Variants in ANO4 observed in about 807,000 individuals in gnomAD.
The protein encoded by ANO4 is anoctamin-4.
Under a neutral mutation model 141.9 loss-of-function variants are expected in ANO4, and 69 were observed. That is an observed-to-expected ratio of 0.49 (90% confidence interval 0.40 to 0.59). The LOEUF is 0.59. Ranked by LOEUF, ANO4 falls within the 20% of genes least tolerant of loss-of-function variation. The pLI, the probability that ANO4 is intolerant of heterozygous loss-of-function variation, is 0.00. For synonymous variants in ANO4, 350 were observed against 394.3 expected (o/e 0.89, Z 1.33); for missense variants, 894 against 1,162.2 (o/e 0.77, Z 3.36).
chr12:100,801,685 G>A (rs866984651), intron 1 of ANO4, among the ~76,000 whole-genome samples: 1 of 132,416 alleles, frequency 7.6e-6, no homozygotes, highest in Admixed American at 8.6e-5. Context: ...GCTGGCTTGA[G>A]AAGGAACTTA....
chr12:100,822,673 A>C (rs913522560), intron 1 of ANO4, among the ~76,000 whole-genome samples: 1 of 152,046 alleles, frequency 6.6e-6, no homozygotes, highest in Non-Finnish European at 1.5e-5. Flanking sequence ...GAACAAAAGT[A>C]AGTCTTAAAT....
chr12:100,981,014 C>T (rs1395365654), intron 7 of ANO4, among the ~76,000 whole-genome samples: 1 of 152,102 alleles, frequency 6.6e-6, no homozygotes, highest in Non-Finnish European at 1.5e-5. Flanking sequence ...CTTCCTTCCA[C>T]CCCCCATATG....
chr12:101,094,209 A>G (rs758400817), intron 17 of ANO4, 47 bp from the exon 18 acceptor site: 4 of 1,495,526 alleles, frequency 2.7e-6, no homozygotes, highest in South Asian at 2.3e-5. Flanking sequence ...TATAGATTTT[A>G]TAATACGTGC....
At chr12:100,819,210 T>G (rs1337384036) in intron 1 of ANO4, among the ~76,000 whole-genome samples, 2 of 151,840 alleles carry the variant, frequency 1.3e-5, no homozygotes, top group Non-Finnish European at 2.9e-5. Context: ...TAGCCAAAAT[T>G]TACTACTCTG....
At chr12:101,067,007 A>G in intron 14 of ANO4, 4 of 586,086 alleles carry the variant, frequency 6.8e-6, no homozygotes, top group South Asian at 6.4e-5. Flanking sequence ...CAAAAAAAAA[A>G]AAAAAAAAAA....
intron 26 of ANO4, among the ~76,000 whole-genome samples, chr12:101,125,405 T>C (rs1411756924): frequency 6.6e-6 from 1 of 152,118 alleles, no homozygotes; most frequent in Non-Finnish European, 1.5e-5. Flanking sequence ...GATCAGGTCA[T>C]CTGCAAAAAA....
intron 8 of ANO4, among the ~76,000 whole-genome samples, chr12:101,011,243 C>A (rs1034030176): frequency 3.3e-5 from 5 of 150,894 alleles, no homozygotes; most frequent in African/African-American, 1.2e-4. Flanking sequence ...CAGTCTACCT[C>A]TTGATAGAAG....
intron 1 of ANO4, among the ~76,000 whole-genome samples, chr12:100,824,954 A>G (rs1306640471): frequency 1.3e-5 from 2 of 152,066 alleles, no homozygotes; most frequent in Non-Finnish European, 2.9e-5. Context: ...TAGAAGGGCA[A>G]AAGTATTTCA....
chr12:100,985,460 C>A (rs1466776943), intron 7 of ANO4, among the ~76,000 whole-genome samples: 2 of 152,068 alleles, frequency 1.3e-5, no homozygotes, highest in Non-Finnish European at 2.9e-5. Context: ...TTATCATGCC[C>A]ATTTTATAGA....
chr12:100,928,190 G>T (rs1021871198), intron 3 of ANO4, among the ~76,000 whole-genome samples: 2 of 151,920 alleles, frequency 1.3e-5, no homozygotes, highest in African/African-American at 4.8e-5. Context: ...GGGCCGGGGG[G>T]GCTGGCATAT....
intron 1 of ANO4, among the ~76,000 whole-genome samples, chr12:100,850,539 T>A (rs2037809573): frequency 6.6e-6 from 1 of 152,208 alleles, no homozygotes. Context: ...TTCTCAGGCA[T>A]ACATTTTACC....
intron 1 of ANO4, among the ~76,000 whole-genome samples, chr12:100,805,241 T>C (rs1327234808): frequency 6.6e-6 from 1 of 152,196 alleles, no homozygotes; most frequent in Non-Finnish European, 1.5e-5. Context: ...TCAGGTTTTT[T>C]CAAAGATCAG....
intron 5 of ANO4, among the ~76,000 whole-genome samples, chr12:100,951,822 C>G (rs1435298988): frequency 6.6e-6 from 1 of 152,194 alleles, no homozygotes; most frequent in Non-Finnish European, 1.5e-5. Flanking sequence ...GGTTTTTCAA[C>G]ATAGACCCTA....
chr12:101,099,744 T>C (rs777804320), intron 22 of ANO4, 24 bp downstream of exon 22: 1 of 1,505,224 alleles, frequency 6.6e-7, no homozygotes, highest in African/African-American at 1.4e-5. Context: ...CTACTTTATC[T>C]TATTAATTAT....
intron 9 of ANO4, among the ~76,000 whole-genome samples, chr12:101,035,564 A>G (rs375639900): frequency 1.3e-5 from 2 of 152,292 alleles, no homozygotes; most frequent in African/African-American, 4.8e-5. Context: ...AGATCTGCGC[A>G]TCCCTTCCCA....
intron 3 of ANO4, among the ~76,000 whole-genome samples, chr12:100,786,260 C>T (rs1030781347): frequency 1.2e-4 from 19 of 152,176 alleles, no homozygotes; most frequent in African/African-American, 2.9e-4. Context: ...GTTCTTTAGG[C>T]GCTGATGGTT....
At chr12:101,068,355 G>C (rs898506797) in intron 14 of ANO4, 1 of 1,100,816 alleles carries the variant, frequency 9.1e-7, no homozygotes, top group Non-Finnish European at 1.4e-6. Context: ...CTGGGAGAAG[G>C]TAAAGGGTCT....
At chr12:100,772,325 G>T (rs1434049598) in intron 3 of ANO4, among the ~76,000 whole-genome samples, 6 of 152,132 alleles carry the variant, frequency 3.9e-5, no homozygotes, top group Non-Finnish European at 8.8e-5. Context: ...GTTTAGTGTG[G>T]ATTCAAATTA....
In ANO4 at chr12:100,956,737, T is replaced by TA. The variant is rs544440832; in HGVS notation, c.456+14203dup. Among the ~76,000 whole-genome samples the TA allele has an allele frequency of 1.7e-4, 26 of 152,344 alleles. 1 individual carries two copies. The South Asian group carries it at 5.2e-3, about 30-fold the overall frequency. ...ATATAGTTATAAAAGGGTAACCTGT[T>TA]ACAGGCGTTCGCTGTTCGCTGTTGC... On this transcript the variant is annotated intron_variant, in intron 5 of 27. Coordinates refer to ENST00000392977, the MANE Select transcript of ANO4 (RefSeq NM_001286615.2).
Sources: gnomAD v4.1 joint callset for allele counts (sites outside exome capture counted in the v4.1 genomes callset) on GRCh38, gnomAD v4.1.1 for gene constraint, MANE v1.5 for transcripts, NCBI Gene and HGNC (gene_info 2026-07-23, HGNC 2026-07-21) for gene names.